BOP1: variants seen among roughly 807,000 people sequenced by gnomAD.
The protein encoded by BOP1 is BOP1 ribosomal biogenesis factor.
Under a neutral mutation model 82.9 loss-of-function variants are expected in BOP1, and 54 were observed. That is an observed-to-expected ratio of 0.65 (90% CI 0.52 to 0.82). The LOEUF is 0.82. Ranked by LOEUF, BOP1 falls within the 40% of genes least tolerant of loss-of-function variation. The pLI, the probability that BOP1 is intolerant of heterozygous loss-of-function variation, is 0.00. For synonymous variants in BOP1, 566 were observed against 451.1 expected, an observed-to-expected ratio of 1.25 and a Z score of -3.23; for missense variants, 1,170 against 1,072.0, an observed-to-expected ratio of 1.09 and a Z score of -1.28.
In BOP1 at chr8:144,263,018, G is replaced by A. The variant is rs1476763702; in HGVS notation, c.1729C>T (p.Arg577Cys). Residue 577 changes from arginine to cysteine, a missense_variant, in exon 13 of 16, where the codon CGC (arginine) becomes TGC (cysteine). Arg to Cys is a radical substitution (Grantham distance 180). Coordinates refer to ENST00000569669, the MANE Select transcript of BOP1 (RefSeq NM_015201.5). ...SRRRSQSPFRRSHGQVQRVAF... is the reference protein window; with the variant it reads ...SRRRSQSPFRCSHGQVQRVAF... The stretch of plus-strand genomic sequence containing the variant: ...ACTCGCTGCACCTGTCCGTGGCTGC[G>A]GCGGAACGGACTCTGGCTGCGGCGA... 2.8e-5 allele frequency: 44 copies of A among 1,562,270 alleles called. No individual in the cohort carries two copies. Among genetic ancestry groups the A allele is most frequent in the East Asian group, 9.3e-5 (4 of 43,018 alleles).
chr8:144,272,356 G>A lies in BOP1; in HGVS notation c.390+3868C>T, dbSNP rs113440204. On this transcript the variant is annotated intron_variant, in intron 3 of 15. Transcript: ENST00000569669. Reference sequence around the variant, plus strand: ...CCAGTCCTGATCCGTGCACACACACGTACCTGGGACTCCCGTCCCCTGCAG... The same window carrying A: ...CCAGTCCTGATCCGTGCACACACACATACCTGGGACTCCCGTCCCCTGCAG... Among the ~76,000 whole-genome samples, 358 of 152,210 alleles carry A rather than the reference G, an allele frequency of 2.4e-3. 1 individual carries two copies. The highest frequency in any genetic ancestry group is 8.0e-3 in the African/African-American group (333 of 41,540).
chr8:144,262,056 C>T lies in BOP1; in HGVS notation c.*108G>A, dbSNP rs1845186523. 9 of 1,508,722 alleles carry T rather than the reference C, an allele frequency of 6.0e-6. No homozygotes were observed. Among genetic ancestry groups the T allele is most frequent in the African/African-American group, 1.4e-5 (1 of 72,906 alleles). The allele number at this position is 1,508,722 out of a possible 1,614,324, so 93.5% of individuals were successfully genotyped here. A position where few individuals can be genotyped will look rare whatever the true frequency, so the allele number is the denominator to read the frequency against. ...GGAAGGCTCGGCGCTGTGGTGGGGG[C>T]GGCTTTGTTGGCAACCCCAATTCAA... is the stretch of plus-strand genomic sequence containing the variant. On this transcript the variant is annotated 3_prime_UTR_variant, in exon 16 of 16. Coordinates refer to ENST00000569669, the MANE Select transcript of BOP1 (RefSeq NM_015201.5).
chr8:144,269,144 G>T (rs1430232479), intron 3 of BOP1, among the ~76,000 whole-genome samples: 3 of 152,224 alleles, frequency 2.0e-5, no homozygotes, highest in Non-Finnish European at 4.4e-5. Flanking sequence ...ACCACAGGAG[G>T]TGGGTTTAGC....
Position 144,263,119 on chromosome 8 carries a change from T to C in BOP1, c.1628A>G (p.His543Arg). 6.3e-7 allele frequency: 1 copy of C among 1,593,830 alleles called. No homozygotes were observed. The highest frequency in any genetic ancestry group is 8.5e-7 in the Non-Finnish European group (1 of 1,178,848). ...CACGGCCAGGTAGTCCCCACGCCCG[T>C]GCCAGGTCACCTGCGTCACTGGCTG... is the stretch of plus-strand genomic sequence containing the variant. ...HGKPVTQVTWHGRGDYLAVVL... is the reference protein window; with the variant it reads ...HGKPVTQVTWRGRGDYLAVVL... The change falls in exon 13 of 16, where the codon CAC (histidine) becomes CGC (arginine). Residue 543 changes from histidine (H) to arginine (R), a missense_variant. Physicochemically the swap from His to Arg is conservative, Grantham distance 29. Transcript: ENST00000569669.
intron 2 of BOP1, among the ~76,000 whole-genome samples, chr8:144,284,470 G>C (rs1814812563): frequency 6.6e-6 from 1 of 152,150 alleles, no homozygotes; most frequent in African/African-American, 2.4e-5. Context: ...CACTCTACGG[G>C]CACCAAGCAC....
In BOP1 at chr8:144,264,301, G is replaced by T. The variant is rs1343529152; in HGVS notation, c.902C>A (p.Pro301His). 5.6e-6 allele frequency: 9 copies of T among 1,611,038 alleles called. No individual in the cohort carries two copies. The highest frequency in any genetic ancestry group is 6.8e-6 in the Non-Finnish European group (8 of 1,179,620). The stretch of plus-strand genomic sequence containing the variant: ...GCCTGGCAGGGCCAGCTTGGGAGCA[G>T]GTACGTGCATCTTGTGGCGCCCGAG... ...AVLGRHKMHV[P>H]APKLALPGHA... Residue 301 changes from proline to histidine, a missense_variant, in exon 7 of 16, where the codon CCT becomes CAT. By Grantham distance (77) the Pro-to-His change is moderately conservative (BLOSUM62 -2). Transcript: ENST00000569669.
intron 4 of BOP1, 34 bp downstream of exon 4, chr8:144,264,883 C>A: frequency 6.2e-7 from 1 of 1,608,432 alleles, no homozygotes; most frequent in South Asian, 1.1e-5. Context: ...CTCGGGCCCA[C>A]CCCGGCTGCT....
chr8:144,281,794 G>GATTA (rs1564602245), intron 2 of BOP1: 3 of 151,940 alleles, frequency 2.0e-5, no homozygotes, highest in Non-Finnish European at 4.4e-5. Flanking sequence ...CATGTTGGCC[G>GATTA]GGCTGGTCTC....
chr8:144,264,308 G>C lies in BOP1; in HGVS notation c.895C>G (p.His299Asp). ...AGGGCCAGCTTGGGAGCAGGTACGT[G>C]CATCTTGTGGCGCCCGAGCACGGCG... ...PNAVLGRHKM[H>D]VPAPKLALPG... The change falls in exon 7 of 16, where the codon CAC becomes GAC. Residue 299 changes from histidine to aspartate, a missense_variant. By Grantham distance (81) the His-to-Asp change is moderately conservative. Coordinates refer to ENST00000569669, the MANE Select transcript of BOP1 (RefSeq NM_015201.5). 2 of 1,610,664 alleles carry C rather than the reference G, an allele frequency of 1.2e-6. No homozygotes were observed. Among genetic ancestry groups the C allele is most frequent in the Non-Finnish European group, 1.7e-6 (2 of 1,179,550 alleles).
intron 3 of BOP1, among the ~76,000 whole-genome samples, chr8:144,273,379 C>G (rs1845523119): frequency 7.5e-6 from 1 of 132,702 alleles, no homozygotes; most frequent in African/African-American, 2.9e-5. Flanking sequence ...CACCCCAGCC[C>G]CAGACTCCAG....
intron 3 of BOP1, among the ~76,000 whole-genome samples, chr8:144,268,866 G>A (rs1027029711): frequency 1.3e-5 from 2 of 152,130 alleles, no homozygotes; most frequent in African/African-American, 2.4e-5. Context: ...CGGGCCTGTC[G>A]GGCACCCGGG....
At chr8:144,266,631 G>T in intron 3 of BOP1, 1 of 1,228,288 alleles carries the variant, frequency 8.1e-7, no homozygotes, top group South Asian at 1.5e-5. Flanking sequence ...TCGCCACGCT[G>T]CGCCCGGCGC....
chr8:144,282,926 C>T (rs1379874197), intron 2 of BOP1, among the ~76,000 whole-genome samples: 2 of 151,910 alleles, frequency 1.3e-5, no homozygotes, highest in South Asian at 2.1e-4. Flanking sequence ...CGGTGGCTCA[C>T]GCCTGTAATC....
At chr8:144,270,840 G>A (rs1026306029) in intron 3 of BOP1, among the ~76,000 whole-genome samples, 23 of 152,222 alleles carry the variant, frequency 1.5e-4, no homozygotes, top group East Asian at 5.8e-4. Context: ...CAGCTGGGAC[G>A]GAAGGGGCCC....
chr8:144,262,434 G>A lies in BOP1; in HGVS notation c.2049C>T (p.Asp683=), dbSNP rs1348254059. The A allele has an allele frequency of 4.5e-5, 72 of 1,612,786 alleles. No individual in the cohort carries two copies. The highest frequency in any genetic ancestry group is 3.3e-4 in the Middle Eastern group (2 of 6,052). ...CATGGCAGACGATGACACTGCCGTC[G>A]TCCGAGCCTGACGCAAAGAGTGGGT... ...PRYPLFASGS[D]DGSVIVCHGM... is the part of the protein sequence containing the mutation. The change falls in exon 15 of 16, where the codon GAC becomes GAT. Residue 683 remains aspartate (D), a synonymous_variant. Transcript: ENST00000569669.
chr8:144,277,052 G>A (rs764358186), intron 2 of BOP1, among the ~76,000 whole-genome samples: 20 of 152,302 alleles, frequency 1.3e-4, no homozygotes, highest in East Asian at 7.7e-4. Context: ...CAACCGGATC[G>A]GGTTTACTGG....
rs1191082218 is a variant in BOP1, at chr8:144,264,965, C to T, written c.497G>A (p.Arg166Gln). 1.5e-5 allele frequency: 24 copies of T among 1,612,284 alleles called. No homozygotes were observed. Among genetic ancestry groups the T allele is most frequent in the East Asian group, 2.2e-5 (1 of 44,882 alleles). Reference protein sequence around the residue: ...GRRIYKPLRTRDELDQFLDKM... With the variant: ...GRRIYKPLRTQDELDQFLDKM... The stretch of plus-strand genomic sequence containing the variant: ...GTCCAGGAACTGGTCCAGCTCATCC[C>T]GGGTCCGCAGGGGCTTGTAGATGCG... Residue 166 changes from arginine to glutamine, a missense_variant, in exon 4 of 16, where the codon CGG (arginine) becomes CAG (glutamine). Physicochemically the swap from Arg to Gln is conservative, Grantham distance 43 (BLOSUM62 1). Coordinates refer to ENST00000569669, the MANE Select transcript of BOP1 (RefSeq NM_015201.5).
chr8:144,283,201 C>CAAAAAAAAAAAA lies in BOP1; in HGVS notation c.309+5882_309+5893dup, dbSNP rs60868806. Among the ~76,000 whole-genome samples, 477 of 54,292 alleles carry CAAAAAAAAAAAA rather than the reference C, an allele frequency of 8.8e-3. 11 individuals are homozygous for CAAAAAAAAAAAA. Among genetic ancestry groups the CAAAAAAAAAAAA allele is most frequent in the African/African-American group, 0.028 (206 of 7,340 alleles). 35.6% of individuals were successfully genotyped at this position (54,292 alleles called of 152,430 possible). A position where few individuals can be genotyped will look rare whatever the true frequency, so the allele number is the denominator to read the frequency against. ...CGATAAGAGCAAAAAAACTCCATCT[C>CAAAAAAAAAAAA]AAAAAAAAAAAAAAAAAAAAAAAAG... On this transcript the variant is annotated intron_variant, in intron 2 of 15. Coordinates refer to ENST00000569669, the MANE Select transcript of BOP1 (RefSeq NM_015201.5).
rs1306111450 is a variant in BOP1, at chr8:144,265,123, G to T, written c.391-52C>A. On this transcript the variant is annotated intron_variant, in intron 3 of 15. Coordinates refer to ENST00000569669, the MANE Select transcript of BOP1 (RefSeq NM_015201.5). Reference sequence around the variant, plus strand: ...ATCTGATCCTACAAGGCCCACCCCCGCTTCGGGCCGCCCAGGGGAGCAGGT... The same window carrying T: ...ATCTGATCCTACAAGGCCCACCCCCTCTTCGGGCCGCCCAGGGGAGCAGGT... 1.9e-6 allele frequency: 3 copies of T among 1,576,812 alleles called. No homozygotes were observed. In the Admixed American group the frequency reaches 5.1e-5, roughly 27 times the overall value.
Sources: allele counts gnomAD v4.1 joint callset (sites outside exome capture counted in the v4.1 genomes callset), GRCh38; gene constraint gnomAD v4.1.1; transcripts MANE v1.5; gene names NCBI Gene and HGNC (gene_info 2026-07-23, HGNC 2026-07-21).